Variants in BCAS3 observed in about 807,000 individuals in gnomAD.
The protein encoded by BCAS3 is BCAS4/BCAS3 fusion.
In BCAS3, 53 loss-of-function variants were observed where a neutral mutation model predicts 116.1. The ratio of observed to expected loss-of-function variants is 0.46; its 90% CI spans 0.37 to 0.57. BCAS3 has a LOEUF of 0.57. BCAS3 is among the 20% of genes least tolerant of loss of function. The probability of loss-of-function intolerance (pLI) is 0.00; values close to 1 mark genes in which losing one functional copy is unlikely to be tolerated. For synonymous variants in BCAS3, 391 were observed against 408.2 expected, an observed-to-expected ratio of 0.96 and a Z score of 0.51; for missense variants, 917 against 1,165.4, an observed-to-expected ratio of 0.79 and a Z score of 3.10.
At chr17:61,357,452 T>C (rs550435293) in intron 22 of BCAS3, among the ~76,000 whole-genome samples, 5 of 149,232 alleles carry the variant, frequency 3.4e-5, no homozygotes, top group Admixed American at 1.3e-4. Context: ...ATTTTTATTT[T>C]TTTTTTTTTT....
chr17:60,715,399 C>T (rs141603699), intron 5 of BCAS3, among the ~76,000 whole-genome samples: 94 of 150,788 alleles, frequency 6.2e-4, no homozygotes, highest in African/African-American at 2.2e-3. Flanking sequence ...GACCTCCCAA[C>T]GTGTATACTC....
rs778514276 is a variant in BCAS3 at position 61,130,880 on chromosome 17, AC to A, written c.2425+46320del. 1.6e-4 allele frequency: 24 copies of A among 152,058 alleles called. No homozygotes were observed. Among genetic ancestry groups the A allele is most frequent in the Non-Finnish European group, 2.9e-4 (20 of 68,070 alleles). The allele number at this position is 152,058 out of a possible 1,614,324, so 9.4% of individuals were successfully genotyped here. On this transcript the variant is annotated intron_variant, in intron 22 of 23. Transcript: ENST00000407086. This position sits in a 1 kb window ranked among gnomAD's most constrained non-coding sequence, Gnocchi z 5.0. ...GAGACAAGCCTGGCCAACATGCAAA[AC>A]CCCGTCTCTGCTAAAGATATAAAAA...
intron 5 of BCAS3, among the ~76,000 whole-genome samples, chr17:60,731,101 A>G (rs2040412235): frequency 1.3e-5 from 2 of 152,274 alleles, no homozygotes. Context: ...TAAAAAAACT[A>G]TAATGAATAA....
At chr17:61,312,818 C>T (rs991493677) in intron 22 of BCAS3, among the ~76,000 whole-genome samples, 10 of 152,186 alleles carry the variant, frequency 6.6e-5, no homozygotes, top group African/African-American at 2.4e-4. Flanking sequence ...CAGCAGTAGC[C>T]TCGGGGTCAG....
intron 13 of BCAS3, among the ~76,000 whole-genome samples, chr17:60,925,518 A>C (rs73991342): frequency 6.6e-6 from 1 of 152,318 alleles, no homozygotes; most frequent in African/African-American, 2.4e-5. Flanking sequence ...TCATTTTGAC[A>C]TTATTTCTGA....
intron 22 of BCAS3, among the ~76,000 whole-genome samples, chr17:61,172,716 T>C (rs1601715665): frequency 6.8e-6 from 1 of 146,116 alleles, no homozygotes; most frequent in Non-Finnish European, 1.5e-5. Context: ...CTGGGCGCGG[T>C]GGCTCATGCC....
intron 9 of BCAS3, among the ~76,000 whole-genome samples, chr17:60,882,743 G>C (rs1036723586): frequency 1.4e-5 from 2 of 145,960 alleles, no homozygotes; most frequent in African/African-American, 2.7e-5. Context: ...TCAAAGATCA[G>C]ATAGTTGTAG....
intron 22 of BCAS3, among the ~76,000 whole-genome samples, chr17:61,298,446 T>C (rs2053135772): frequency 6.6e-6 from 1 of 151,974 alleles, no homozygotes; most frequent in Admixed American, 6.6e-5. Context: ...AAAAAGGAAA[T>C]AAAATGAAAA....
rs574918800 is a variant in BCAS3 at position 61,270,632 on chromosome 17, G to A, written c.2426-97695G>A. ...GTCTACTTTTGCTTTCATTGCCTGCGCTTTTGTTATCATATGTTACAAATC... is the reference window on the plus strand; with the variant it reads ...GTCTACTTTTGCTTTCATTGCCTGCACTTTTGTTATCATATGTTACAAATC... On this transcript the variant is annotated intron_variant, in intron 22 of 23. Transcript: ENST00000407086. Among the ~76,000 whole-genome samples the A allele has an allele frequency of 1.1e-4, 17 of 152,148 alleles. No individual in the cohort carries two copies. The East Asian group carries it at 2.5e-3, about 22-fold the overall frequency.
intron 1 of BCAS3, among the ~76,000 whole-genome samples, chr17:60,679,069 A>G (rs762816375): frequency 6.6e-6 from 1 of 152,164 alleles, no homozygotes; most frequent in Non-Finnish European, 1.5e-5. Context: ...ACAAAAAAAT[A>G]TAAAATTTAG....
In BCAS3 at chr17:60,767,011, C is replaced by T. The variant is rs561238711; in HGVS notation, c.403+19732C>T. Among the ~76,000 whole-genome samples the T allele has an allele frequency of 5.9e-5, 9 of 152,320 alleles. No homozygotes were observed. The East Asian group carries it at 7.7e-4, about 13-fold the overall frequency. On this transcript the variant is annotated intron_variant, in intron 6 of 23. Transcript: ENST00000407086. The stretch of plus-strand genomic sequence containing the variant: ...GGCATTGGACCCGCAGAGCCAGGCA[C>T]GGGATATAACCTCCTGGTGTGCCGT...
In BCAS3 at chr17:61,141,268, T is replaced by G. The variant is rs1042402066; in HGVS notation, c.2425+56704T>G. 2.6e-5 allele frequency among the ~76,000 whole-genome samples: 4 copies of G among 152,146 alleles called. No homozygotes were observed. The highest frequency in any genetic ancestry group is 2.6e-4 in the Admixed American group (4 of 15,268). On this transcript the variant is annotated intron_variant, in intron 22 of 23. Coordinates refer to ENST00000407086, the MANE Select transcript of BCAS3 (RefSeq NM_017679.5). This position sits in a 1 kb window ranked among gnomAD's most constrained non-coding sequence, Gnocchi z 4.3. ...AAATATTGAAACAATTATAAAGAAGTTAAATTAGGCTGGGCATGGGGGTTC... is the reference window on the plus strand; with the variant it reads ...AAATATTGAAACAATTATAAAGAAGGTAAATTAGGCTGGGCATGGGGGTTC...
At chr17:60,777,818 C>T (rs73316745) in intron 6 of BCAS3, among the ~76,000 whole-genome samples, 7,029 of 152,154 alleles carry the variant, frequency 0.046, 554 homozygotes, top group African/African-American at 0.15. Context: ...CTGCAAAATC[C>T]CCTATGTCCT....
intron 7 of BCAS3, among the ~76,000 whole-genome samples, chr17:60,849,566 A>G (rs2052873506): frequency 6.6e-6 from 1 of 152,170 alleles, no homozygotes; most frequent in African/African-American, 2.4e-5. Flanking sequence ...AAAAGTTTAT[A>G]AAGAGATTTT....
rs2055533725 is a variant in BCAS3 at position 61,324,094 on chromosome 17, C to G, written c.2426-44233C>G. Among the ~76,000 whole-genome samples, 1 of 152,232 alleles carries G rather than the reference C, an allele frequency of 6.6e-6. No homozygotes were observed. The highest frequency in any genetic ancestry group is 2.1e-4 in the South Asian group (1 of 4,836). ...GTGCTCTTGTAACCCTCTGCTAGAT[C>G]ACTTAGCACATGGGACATACTGGGA... On this transcript the variant is annotated intron_variant, in intron 22 of 23. Transcript: ENST00000407086. This position sits in a 1 kb window ranked among gnomAD's most constrained non-coding sequence, Gnocchi z 4.6.
intron 19 of BCAS3, among the ~76,000 whole-genome samples, chr17:61,060,475 T>A (rs2069895195): frequency 6.6e-6 from 1 of 152,034 alleles, no homozygotes; most frequent in Non-Finnish European, 1.5e-5. Flanking sequence ...ACATATAGTG[T>A]TATGTGGGAA....
At chr17:60,965,226 A>ATTTTTTTTTTTTTTTT (rs142254431) in intron 14 of BCAS3, among the ~76,000 whole-genome samples, 1 of 131,558 alleles carries the variant, frequency 7.6e-6, no homozygotes. Flanking sequence ...GGTATATTGA[A>ATTTTTTTTTTTTTTTT]TTTTTTTTTT....
intron 7 of BCAS3, among the ~76,000 whole-genome samples, chr17:60,858,853 C>G (rs1242740171): frequency 2.6e-5 from 4 of 152,076 alleles, no homozygotes; most frequent in Admixed American, 2.6e-4. Flanking sequence ...TGTTGAACAT[C>G]TTTTCATGTG....
At chr17:61,194,818 C>T (rs59828552) in intron 22 of BCAS3, among the ~76,000 whole-genome samples, 1 of 150,726 alleles carries the variant, frequency 6.6e-6, no homozygotes. Context: ...GATTGTTTTT[C>T]AAAGACTGAA....
Sources: allele counts gnomAD v4.1 joint callset (sites outside exome capture counted in the v4.1 genomes callset), GRCh38; gene constraint gnomAD v4.1.1; non-coding constraint Gnocchi (gnomAD v3.1); transcripts MANE v1.5; gene names NCBI Gene and HGNC (gene_info 2026-07-23, HGNC 2026-07-21).